Variants in DNAJC1 observed in about 807,000 individuals in gnomAD.
The protein encoded by DNAJC1 is DnaJ heat shock protein family (Hsp40) member C1, also known as dnaJ homolog subfamily C member 1.
Under a neutral mutation model 76.6 loss-of-function variants are expected in DNAJC1, and 58 were observed. That is an observed-to-expected ratio of 0.76 (90% CI 0.61 to 0.94). DNAJC1 has a LOEUF of 0.94. Among genes scored for constraint, DNAJC1 ranks in the 40% least tolerant of loss-of-function variants. DNAJC1 has a pLI of 0.00. For synonymous variants in DNAJC1, 258 were observed against 267.9 expected (o/e 0.96, Z 0.36); for missense variants, 689 against 677.3 (o/e 1.02, Z -0.19).
intron 8 of DNAJC1, chr10:21,865,651 T>C (rs988612660): frequency 2.0e-5 from 3 of 152,092 alleles, no homozygotes; most frequent in African/African-American, 7.3e-5. Context: ...TGACAACGGG[T>C]TCACAGGTAT....
intron 8 of DNAJC1, among the ~76,000 whole-genome samples, chr10:21,811,733 T>C (rs1589990213): frequency 6.6e-6 from 1 of 152,146 alleles, no homozygotes; most frequent in Non-Finnish European, 1.5e-5. Flanking sequence ...CTTTCATTCA[T>C]AAGGCTAGTT....
At chr10:21,909,571 T>TA (rs1234940592) in intron 6 of DNAJC1, among the ~76,000 whole-genome samples, 1 of 152,182 alleles carries the variant, frequency 6.6e-6, no homozygotes, top group African/African-American at 2.4e-5. Flanking sequence ...AATCAATAAA[T>TA]AAAGTTTGTT....
At chr10:21,844,960 G>A (rs1338115189) in intron 8 of DNAJC1, among the ~76,000 whole-genome samples, 1 of 152,174 alleles carries the variant, frequency 6.6e-6, no homozygotes, top group African/African-American at 2.4e-5. Flanking sequence ...TGCACAGGAG[G>A]TGCCACTGCT....
intron 1 of DNAJC1, among the ~76,000 whole-genome samples, chr10:21,992,517 C>T (rs539873574): frequency 2.0e-5 from 3 of 151,796 alleles, no homozygotes; most frequent in East Asian, 3.9e-4. Flanking sequence ...TGTGCCACTG[C>T]ACTCCAGCCT....
intron 1 of DNAJC1, among the ~76,000 whole-genome samples, chr10:21,972,318 T>A (rs922550737): frequency 5.3e-5 from 8 of 151,874 alleles, no homozygotes; most frequent in Non-Finnish European, 1.0e-4. Context: ...ATATTTTGAG[T>A]AGCACTGCCT....
At chr10:21,988,851 T>C (rs1838287747) in intron 1 of DNAJC1, among the ~76,000 whole-genome samples, 1 of 152,248 alleles carries the variant, frequency 6.6e-6, no homozygotes, top group African/African-American at 2.4e-5. Flanking sequence ...CATGTTTTTC[T>C]GACACGCACC....
chr10:21,921,447 A>G (rs969343808), intron 3 of DNAJC1, among the ~76,000 whole-genome samples: 7 of 152,172 alleles, frequency 4.6e-5, no homozygotes, highest in Non-Finnish European at 7.4e-5. Context: ...CGGTGGCTCA[A>G]GGCTGAAGTA....
In DNAJC1 at chr10:22,003,317, C is replaced by CAAGCAG; in HGVS notation, c.117_118insCTGCTT (p.Leu38_Leu39dup). On this transcript the variant is annotated inframe_insertion, in exon 1 of 12. Coordinates refer to ENST00000376980, the MANE Select transcript of DNAJC1 (RefSeq NM_022365.4). ...CAGCCGCGCGCCGGCGCCACGGCGG[C>CAAGCAG]CAGCAGCAGCAGCAGCAGCCACAGC... is the stretch of plus-strand genomic sequence containing the variant. The CAAGCAG allele has an allele frequency of 6.6e-7, 1 of 1,517,322 alleles. No homozygotes were observed. The highest frequency in any genetic ancestry group is 8.8e-7 in the Non-Finnish European group (1 of 1,132,776). 94.0% of individuals were successfully genotyped at this position (1,517,322 alleles called of 1,614,324 possible).
chr10:21,862,882 C>T (rs993963968), intron 8 of DNAJC1, among the ~76,000 whole-genome samples: 22 of 152,126 alleles, frequency 1.4e-4, no homozygotes, highest in Non-Finnish European at 2.2e-4. Context: ...CCTGTAATCC[C>T]GGTACTTTGG....
intron 7 of DNAJC1, among the ~76,000 whole-genome samples, chr10:21,893,807 G>T (rs1269737532): frequency 4.0e-5 from 6 of 151,464 alleles, no homozygotes; most frequent in Admixed American, 2.0e-4. Flanking sequence ...CAAGCAGAAG[G>T]AAGGAAGTAA....
intron 9 of DNAJC1, among the ~76,000 whole-genome samples, chr10:21,802,792 C>G (rs1344256472): frequency 2.0e-5 from 3 of 152,102 alleles, no homozygotes; most frequent in East Asian, 1.9e-4. Flanking sequence ...CTGGGGCCCC[C>G]TGACCTTAAT....
chr10:21,969,599 C>A (rs948179519), intron 1 of DNAJC1, among the ~76,000 whole-genome samples: 1 of 152,078 alleles, frequency 6.6e-6, no homozygotes, highest in Non-Finnish European at 1.5e-5. Context: ...TATGTACAAG[C>A]GTTATAAATA....
At chr10:21,908,820 T>C (rs181221150) in intron 6 of DNAJC1, among the ~76,000 whole-genome samples, 5 of 152,260 alleles carry the variant, frequency 3.3e-5, no homozygotes, top group Admixed American at 1.3e-4. Context: ...TTTATAATCC[T>C]TATGAATGGA....
intron 8 of DNAJC1, among the ~76,000 whole-genome samples, chr10:21,807,197 T>C (rs1834893219): frequency 6.6e-6 from 1 of 152,152 alleles, no homozygotes; most frequent in Admixed American, 6.6e-5. Flanking sequence ...ATACCTTTTC[T>C]AATCACCATT....
chr10:21,959,800 C>CAAAA (rs199556961), intron 1 of DNAJC1, among the ~76,000 whole-genome samples: 17 of 138,916 alleles, frequency 1.2e-4, no homozygotes, highest in Admixed American at 8.0e-4. Flanking sequence ...AAAACAAAAA[C>CAAAA]AAAAAAAAAA....
At chr10:21,941,095 C>CAAAAAAAA (rs1208799870) in intron 1 of DNAJC1, among the ~76,000 whole-genome samples, 58 of 39,144 alleles carry the variant, frequency 1.5e-3, no homozygotes, top group African/African-American at 2.0e-3. Flanking sequence ...ACTAAAAATA[C>CAAAAAAAA]AAAAAAAAAA....
chr10:21,876,568 T>C (rs1167808563), intron 8 of DNAJC1, among the ~76,000 whole-genome samples: 2 of 152,208 alleles, frequency 1.3e-5, no homozygotes, highest in Non-Finnish European at 2.9e-5. Context: ...CAAGCTGCAT[T>C]AAACATTTAT....
chr10:21,769,076 C>T (rs939467977), intron 9 of DNAJC1, among the ~76,000 whole-genome samples: 5 of 152,204 alleles, frequency 3.3e-5, no homozygotes, highest in Non-Finnish European at 5.9e-5. Context: ...CTCCTATATA[C>T]TCCTGCCTCT....
At chr10:21,914,373 T>C (rs959705374) in intron 6 of DNAJC1, among the ~76,000 whole-genome samples, 8 of 152,190 alleles carry the variant, frequency 5.3e-5, no homozygotes, top group Non-Finnish European at 7.3e-5. Flanking sequence ...AGGGGAACTA[T>C]CAAAGAGATA....
Sources: allele counts gnomAD v4.1 joint callset (sites outside exome capture counted in the v4.1 genomes callset), GRCh38; gene constraint gnomAD v4.1.1; transcripts MANE v1.5; gene names NCBI Gene and HGNC (gene_info 2026-07-23, HGNC 2026-07-21).